NELL1: variants seen among roughly 807,000 people sequenced by gnomAD.
The protein encoded by NELL1 is neural EGFL like 1.
A neutral mutation model predicts 107.4 loss-of-function variants in NELL1; 76 were observed. The observed-to-expected ratio is 0.71, with a 90% CI of 0.59 to 0.86. The LOEUF is 0.86. Among genes scored for constraint, NELL1 ranks in the 40% least tolerant of loss-of-function variants. NELL1 has a pLI of 0.00. For synonymous variants in NELL1, 353 were observed against 341.2 expected (o/e 1.03, Z -0.38); for missense variants, 1,024 against 1,005.5 (o/e 1.02, Z -0.25).
At chr11:20,705,735 A>G (rs558501246) in intron 2 of NELL1, among the ~76,000 whole-genome samples, 1,994 of 148,738 alleles carry the variant, frequency 0.013, 60 homozygotes, top group African/African-American at 0.048. Flanking sequence ...GGCAACCTAC[A>G]GAATGGGAGA....
chr11:20,725,474 CAATCTG>C (rs1855488050), intron 2 of NELL1, among the ~76,000 whole-genome samples: 1 of 152,148 alleles, frequency 6.6e-6, no homozygotes, highest in African/African-American at 2.4e-5. Context: ...GTGGCGGCAG[CAATCTG>C]CTGGATCACC....
At chr11:20,947,545 C>T (rs546966675) in intron 11 of NELL1, 110 bp downstream of exon 11, 75 of 759,296 alleles carry the variant, frequency 9.9e-5, no homozygotes, top group Middle Eastern at 2.4e-4. Flanking sequence ...AAACTCTGTG[C>T]GCTGCTCCTT....
At chr11:21,553,924 A>C (rs373064443) in intron 16 of NELL1, among the ~76,000 whole-genome samples, 10 of 151,924 alleles carry the variant, frequency 6.6e-5, no homozygotes, top group African/African-American at 2.4e-4. Context: ...AATGGCTATA[A>C]CAATACAGTG....
At chr11:21,057,325 A>G (rs959922451) in intron 12 of NELL1, among the ~76,000 whole-genome samples, 1 of 152,036 alleles carries the variant, frequency 6.6e-6, no homozygotes, top group African/African-American at 2.4e-5. Flanking sequence ...CACCAGCAGG[A>G]AAAAGGACAC....
Position 21,229,446 on chromosome 11 carries a change from T to G in NELL1, c.1541T>G (p.Ile514Ser). The G allele has an allele frequency of 1.2e-6, 2 of 1,613,720 alleles. No individual in the cohort carries two copies. The highest frequency in any genetic ancestry group is 1.7e-6 in the Non-Finnish European group (2 of 1,179,804). ...CCGGGCTACGTGGGGAACGGGACCA[T>G]CTGCAGAGGTAGGCTTGCCGCCTTA... is the stretch of plus-strand genomic sequence containing the variant. ...CKPGYVGNGT[I>S]CRAFCEEGCR... Residue 514 changes from isoleucine to serine, a missense_variant, in exon 14 of 20, where the codon ATC becomes AGC. Physicochemically the swap from Ile to Ser is moderately radical, Grantham distance 142. Coordinates refer to ENST00000357134, the MANE Select transcript of NELL1 (RefSeq NM_006157.5).
rs76105332 is a variant in NELL1, at chr11:21,019,247, C to G, written c.1300+58687C>G. Reference sequence around the variant, plus strand: ...TAAATTTCCTAATTCTAGGGCAAACCTAGAGGTAGTATTTCTTTTTCTCTA... The same window carrying G: ...TAAATTTCCTAATTCTAGGGCAAACGTAGAGGTAGTATTTCTTTTTCTCTA... On this transcript the variant is annotated intron_variant, in intron 12 of 19. Coordinates refer to ENST00000357134, the MANE Select transcript of NELL1 (RefSeq NM_006157.5). 2.4e-4 allele frequency among the ~76,000 whole-genome samples: 37 copies of G among 152,178 alleles called. No individual in the cohort carries two copies. In the East Asian group the frequency reaches 7.0e-3, roughly 29 times the overall value.
At chr11:20,897,990 G>C (rs1021763214) in intron 5 of NELL1, among the ~76,000 whole-genome samples, 1 of 152,114 alleles carries the variant, frequency 6.6e-6, no homozygotes, top group African/African-American at 2.4e-5. Context: ...AACTAGTTCA[G>C]CCATTGTGAA....
intron 12 of NELL1, among the ~76,000 whole-genome samples, chr11:21,056,954 T>C (rs1853628636): frequency 6.6e-6 from 1 of 150,766 alleles, no homozygotes; most frequent in African/African-American, 2.4e-5. Flanking sequence ...TGATTTCCAC[T>C]GTAAAAATAT....
chr11:21,531,662 C>T (rs1855992873), intron 15 of NELL1, among the ~76,000 whole-genome samples: 1 of 152,122 alleles, frequency 6.6e-6, no homozygotes, highest in Non-Finnish European at 1.5e-5. Flanking sequence ...ATGGTTGACA[C>T]ATTGTGAGTG....
At chr11:20,708,493 T>A (rs573169887) in intron 2 of NELL1, among the ~76,000 whole-genome samples, 14 of 152,276 alleles carry the variant, frequency 9.2e-5, no homozygotes, top group East Asian at 1.9e-4. Flanking sequence ...ATTTTTTTTT[T>A]AATGTTTTTT....
At chr11:21,539,447 A>T (rs1466269043) in intron 16 of NELL1, among the ~76,000 whole-genome samples, 2 of 151,938 alleles carry the variant, frequency 1.3e-5, no homozygotes, top group East Asian at 3.9e-4. Flanking sequence ...GAAAAATCAT[A>T]TTACACACGG....
chr11:20,977,544 G>A (rs749957067), intron 12 of NELL1, among the ~76,000 whole-genome samples: 11 of 152,172 alleles, frequency 7.2e-5, no homozygotes, highest in African/African-American at 1.7e-4. Context: ...GATTACAGGC[G>A]TGAGCCACTG....
chr11:20,766,312 A>G (rs569905299), intron 2 of NELL1, among the ~76,000 whole-genome samples: 89 of 152,168 alleles, frequency 5.8e-4, no homozygotes, highest in Non-Finnish European at 1.1e-3. Context: ...GCAGGGTGAA[A>G]GCAGGGAGTG....
chr11:21,380,067 A>T (rs1338515308), intron 15 of NELL1, among the ~76,000 whole-genome samples: 2 of 152,094 alleles, frequency 1.3e-5, no homozygotes, highest in Non-Finnish European at 2.9e-5. Context: ...GCAAAAGTAC[A>T]TCTTTACATC....
In NELL1 at chr11:21,303,120, T is replaced by A. The variant is rs150097445; in HGVS notation, c.1550-67733T>A. Among the ~76,000 whole-genome samples, 37 of 115,120 alleles carry A rather than the reference T, an allele frequency of 3.2e-4. No homozygotes were observed. The Middle Eastern group carries it at 0.014, about 44-fold the overall frequency. 75.5% of individuals were successfully genotyped at this position (115,120 alleles called of 152,430 possible). On this transcript the variant is annotated intron_variant, in intron 14 of 19. Coordinates refer to ENST00000357134, the MANE Select transcript of NELL1 (RefSeq NM_006157.5). The stretch of plus-strand genomic sequence containing the variant: ...TCTATATCTATATCTATATCTATCT[T>A]CTGTCTATCTATACACATACATACA...
Position 20,721,141 on chromosome 11 carries a change from A to G in NELL1, c.184+43081A>G, listed in dbSNP as rs115171987. Reference sequence around the variant, plus strand: ...ATACAGTCTCCTTTCTGCCCACTGCATGGCTCCAGAAACCAATGAGATATA... The same window carrying G: ...ATACAGTCTCCTTTCTGCCCACTGCGTGGCTCCAGAAACCAATGAGATATA... On this transcript the variant is annotated intron_variant, in intron 2 of 19. Coordinates refer to ENST00000357134, the MANE Select transcript of NELL1 (RefSeq NM_006157.5). Among the ~76,000 whole-genome samples, 1,008 of 141,670 alleles carry G rather than the reference A, an allele frequency of 7.1e-3. 12 individuals are homozygous for G. The highest frequency in any genetic ancestry group is 0.028 in the African/African-American group (945 of 33,604). The allele number at this position is 141,670 out of a possible 152,430, so 92.9% of individuals were successfully genotyped here.
chr11:21,360,342 G>A (rs1478259105), intron 14 of NELL1, among the ~76,000 whole-genome samples: 1 of 152,120 alleles, frequency 6.6e-6, no homozygotes, highest in African/African-American at 2.4e-5. Flanking sequence ...TTCCACTGGG[G>A]TCTGAGAGGA....
At chr11:21,537,303 C>G (rs1175267385) in intron 16 of NELL1, among the ~76,000 whole-genome samples, 2 of 152,018 alleles carry the variant, frequency 1.3e-5, no homozygotes, top group African/African-American at 4.8e-5. Flanking sequence ...TTTATATGGC[C>G]TTCATGGTTT....
In NELL1 at chr11:20,907,032, G is replaced by A. The variant is rs114248033; in HGVS notation, c.604-11150G>A. On this transcript the variant is annotated intron_variant, in intron 5 of 19. Coordinates refer to ENST00000357134, the MANE Select transcript of NELL1 (RefSeq NM_006157.5). ...AAGTAAATGCATTCAAATTGGAAAA[G>A]AAGTAAAACTATCTCTACTCACAGA... Among the ~76,000 whole-genome samples the A allele has an allele frequency of 4.4e-3, 672 of 152,012 alleles. 3 individuals are homozygous for A. Among genetic ancestry groups the A allele is most frequent in the African/African-American group, 0.015 (640 of 41,524 alleles).
Sources: gnomAD v4.1 joint callset for allele counts (sites outside exome capture counted in the v4.1 genomes callset) on GRCh38, gnomAD v4.1.1 for gene constraint, MANE v1.5 for transcripts, NCBI Gene and HGNC (gene_info 2026-07-23, HGNC 2026-07-21) for gene names.